The following KASH5 variants were observed in gnomAD, a reference collection of about 807,000 sequenced individuals.
The protein encoded by KASH5 is KASH domain containing 5, also known as protein KASH5.
In KASH5, 72 loss-of-function variants were observed where a neutral mutation model predicts 84.2. That is an observed-to-expected ratio of 0.85 (90% confidence interval 0.71 to 1.04). KASH5 has a LOEUF of 1.04. Among genes scored for constraint, KASH5 ranks in the 50% least tolerant of loss-of-function variants. The pLI is 0.00. For synonymous variants in KASH5, 260 were observed against 279.1 expected (o/e 0.93, Z 0.68); for missense variants, 650 against 701.0 (o/e 0.93, Z 0.82).
At chr19:49,391,296 A>G (rs962960498) in intron 2 of KASH5, among the ~76,000 whole-genome samples, 1 of 152,064 alleles carries the variant, frequency 6.6e-6, no homozygotes, top group African/African-American at 2.4e-5. Context: ...TCTGTATGTC[A>G]TGTTTTGTCT....
chr19:49,406,984 C>G, intron 10 of KASH5, 21 bp downstream of exon 10: 1 of 1,568,352 alleles, frequency 6.4e-7, no homozygotes, highest in Non-Finnish European at 8.7e-7. Flanking sequence ...TTCCTAGTGC[C>G]TGACAACTTT....
At position 49,417,437 on chromosome 19, in the gene KASH5, T is replaced by A; in HGVS notation, c.1616T>A (p.Leu539Gln). 1 of 1,556,078 alleles carries A rather than the reference T, an allele frequency of 6.4e-7. No homozygotes were observed. The highest frequency in any genetic ancestry group is 8.7e-7 in the Non-Finnish European group (1 of 1,149,866). The change falls in exon 20 of 20, where the codon CTG (leucine) becomes CAG (glutamine). Residue 539 changes from leucine to glutamine, a missense_variant. Transcript: ENST00000447857. This position sits in a 1 kb window ranked among gnomAD's most constrained non-coding sequence, Gnocchi z 5.2. Reference protein sequence around the residue: ...GLLLLLLLSVLLLGPSPPPTW... With the variant: ...GLLLLLLLSVQLLGPSPPPTW... Reference sequence around the variant, plus strand: ...CTGCTGCTGCTGCTGCTCTCTGTCCTGCTGCTTGGCCCGTCCCCACCTCCC... The same window carrying A: ...CTGCTGCTGCTGCTGCTCTCTGTCCAGCTGCTTGGCCCGTCCCCACCTCCC...
chr19:49,405,896 C>T (rs1974510024), intron 9 of KASH5, among the ~76,000 whole-genome samples: 1 of 144,864 alleles, frequency 6.9e-6, no homozygotes, highest in Admixed American at 7.2e-5. Flanking sequence ...GCAGAGGTTG[C>T]AGTGAACCAA....
chr19:49,394,096 C>G (rs576433146), intron 2 of KASH5, among the ~76,000 whole-genome samples: 17 of 152,144 alleles, frequency 1.1e-4, no homozygotes, highest in Non-Finnish European at 1.5e-4. Flanking sequence ...CTGGGCCCCC[C>G]CTTCACTCTC....
chr19:49,397,072 A>G (rs1974204856), intron 5 of KASH5, among the ~76,000 whole-genome samples: 1 of 151,952 alleles, frequency 6.6e-6, no homozygotes, highest in Non-Finnish European at 1.5e-5. Flanking sequence ...AAAAAAAAAA[A>G]AATGGTGGTC....
rs1307026712 is a variant in KASH5 at position 49,416,836 on chromosome 19, G to A, written c.1375-179G>A. On this transcript the variant is annotated intron_variant, in intron 17 of 19. Coordinates refer to ENST00000447857, the MANE Select transcript of KASH5 (RefSeq NM_144688.5). This position sits in a 1 kb window ranked among gnomAD's most constrained non-coding sequence, Gnocchi z 5.4. ...GCGGCACGGAGAGGTGTGGTGACAT[G>A]CCAAGGACCCTCAGCCAGAAGCTGG... Among the ~76,000 whole-genome samples, 1 of 152,146 alleles carries A rather than the reference G, an allele frequency of 6.6e-6. No individual in the cohort carries two copies. Among genetic ancestry groups the A allele is most frequent in the East Asian group, 1.9e-4 (1 of 5,184 alleles).
At position 49,399,700 on chromosome 19, in the gene KASH5, G is replaced by T; in HGVS notation, c.798+193G>T. ...GGTTTACAAGAGTGTGAGGCATGGGGTCAGCCTACATGGCTTCAGGCTGAG... is the reference window on the plus strand; with the variant it reads ...GGTTTACAAGAGTGTGAGGCATGGGTTCAGCCTACATGGCTTCAGGCTGAG... On this transcript the variant is annotated intron_variant, in intron 9 of 19. Transcript: ENST00000447857. This position sits in a 1 kb window ranked among gnomAD's most constrained non-coding sequence, Gnocchi z 4.4. 1 of 1,453,604 alleles carries T rather than the reference G, an allele frequency of 6.9e-7. No individual in the cohort carries two copies. The highest frequency in any genetic ancestry group is 9.1e-7 in the Non-Finnish European group (1 of 1,099,692). The allele number at this position is 1,453,604 out of a possible 1,614,324, so 90.0% of individuals were successfully genotyped here.
intron 2 of KASH5, among the ~76,000 whole-genome samples, chr19:49,392,424 ATCT>A (rs1483719541): frequency 6.6e-6 from 1 of 152,096 alleles, no homozygotes; most frequent in African/African-American, 2.4e-5. Context: ...GAGGAAGGAG[ATCT>A]TCCTGAGGAA....
intron 15 of KASH5, among the ~76,000 whole-genome samples, chr19:49,411,531 G>T (rs1974708657): frequency 6.6e-6 from 1 of 152,192 alleles, no homozygotes; most frequent in South Asian, 2.1e-4. Flanking sequence ...TGGTCACACA[G>T]CTTGTTGGGG....
At position 49,409,288 on chromosome 19, in the gene KASH5, G is replaced by T. The variant is rs188572864; in HGVS notation, c.1146+5G>T. The T allele has an allele frequency of 6.2e-6, 10 of 1,612,950 alleles. No individual in the cohort carries two copies. In the African/African-American group the frequency reaches 1.2e-4, roughly 19 times the overall value. ...GAGATCGAGGCCATTCGACAGGTGG[G>T]CCTAACACCCCTGGAATAAGCTGCA... On this transcript the variant is annotated splice_donor_5th_base_variant and intron_variant, in intron 14 of 19. Coordinates refer to ENST00000447857, the MANE Select transcript of KASH5 (RefSeq NM_144688.5).
Position 49,395,433 on chromosome 19 carries a change from G to A in KASH5, c.335+141G>A, listed in dbSNP as rs74887404. The A allele has an allele frequency of 1.1e-3, 990 of 880,914 alleles. 11 individuals carry two copies. The East Asian group carries it at 0.023, about 20-fold the overall frequency. The allele number at this position is 880,914 out of a possible 1,614,324, so 54.6% of individuals were successfully genotyped here. A position where few individuals can be genotyped will look rare whatever the true frequency, so the allele number is the denominator to read the frequency against. ...GCTGTGGAGAGAAAAATGAAGAGAC[G>A]GGATTCAGAGGGGGTAGATAGGGAG... is the stretch of plus-strand genomic sequence containing the variant. On this transcript the variant is annotated intron_variant, in intron 4 of 19. Transcript: ENST00000447857. The surrounding 1 kb of genome is among the most constrained non-coding windows in gnomAD (Gnocchi z 4.4).
At position 49,394,590 on chromosome 19, in the gene KASH5, G is replaced by T. The variant is rs200432854; in HGVS notation, c.148+10G>T. 6.2e-7 allele frequency: 1 copy of T among 1,605,074 alleles called. No homozygotes were observed. Among genetic ancestry groups the T allele is most frequent in the East Asian group, 2.2e-5 (1 of 44,826 alleles). Reference sequence around the variant, plus strand: ...GACCCTCAGAGGACAGGTGGTGGGGGCATGAGGGGTGCTGGGGACCAGTGC... The same window carrying T: ...GACCCTCAGAGGACAGGTGGTGGGGTCATGAGGGGTGCTGGGGACCAGTGC... On this transcript the variant is annotated intron_variant, in intron 3 of 19. Coordinates refer to ENST00000447857, the MANE Select transcript of KASH5 (RefSeq NM_144688.5).
Position 49,412,932 on chromosome 19 carries a change from AG to A in KASH5, c.1270-35del, listed in dbSNP as rs564561337. On this transcript the variant is annotated intron_variant, in intron 15 of 19. Coordinates refer to ENST00000447857, the MANE Select transcript of KASH5 (RefSeq NM_144688.5). This position sits in a 1 kb window ranked among gnomAD's most constrained non-coding sequence, Gnocchi z 4.6. ...GTTAGGGTTGGAGCTTTGAGTGAGA[AG>A]AATCAGAGAAGAACTAACCTTTTTG... 2.3e-3 allele frequency: 3,773 copies of A among 1,610,170 alleles called. 14 individuals are homozygous for A. Among genetic ancestry groups the A allele is most frequent in the Middle Eastern group, 0.01 (61 of 6,048 alleles).
chr19:49,403,657 G>T (rs142192620), intron 9 of KASH5, among the ~76,000 whole-genome samples: 1 of 152,326 alleles, frequency 6.6e-6, no homozygotes, highest in Admixed American at 6.5e-5. Flanking sequence ...CCATGGCTGG[G>T]GCTGGGACCC....
chr19:49,401,694 CTG>C (rs1256805187), intron 9 of KASH5, among the ~76,000 whole-genome samples: 1 of 152,212 alleles, frequency 6.6e-6, no homozygotes, highest in Non-Finnish European at 1.5e-5. Flanking sequence ...TCTTCTCTGT[CTG>C]TCCTGCATTC....
rs1218305917 is a variant in KASH5 at position 49,414,874 on chromosome 19, T to G, written c.1329-77T>G. 2 of 1,547,788 alleles carry G rather than the reference T, an allele frequency of 1.3e-6. No individual in the cohort carries two copies. Among genetic ancestry groups the G allele is most frequent in the African/African-American group, 2.7e-5 (2 of 73,382 alleles). ...GTGCTAAGACCCCCTGCTCCAAGGCTTCTCTCCCAGCCCATAGTAGGCAAA... is the reference window on the plus strand; with the variant it reads ...GTGCTAAGACCCCCTGCTCCAAGGCGTCTCTCCCAGCCCATAGTAGGCAAA... On this transcript the variant is annotated intron_variant, in intron 16 of 19. Transcript: ENST00000447857. This position sits in a 1 kb window ranked among gnomAD's most constrained non-coding sequence, Gnocchi z 4.5.
chr19:49,394,337 GT>G (rs938094824), intron 2 of KASH5, 138 bp from the exon 3 acceptor site: 35 of 629,154 alleles, frequency 5.6e-5, no homozygotes, highest in African/African-American at 4.5e-4. Context: ...GCTTCCTGCT[GT>G]TCCCCACCCG....
At chr19:49,410,588 G>A (rs59575281) in intron 15 of KASH5, among the ~76,000 whole-genome samples, 5,521 of 151,118 alleles carry the variant, frequency 0.037, 279 homozygotes, top group African/African-American at 0.12. Flanking sequence ...GGTTCAAGCA[G>A]TTCTCCCTGC....
chr19:49,408,879 G>A (rs1382469517), intron 12 of KASH5, 88 bp from the exon 13 acceptor site: 5 of 1,409,804 alleles, frequency 3.5e-6, no homozygotes, highest in South Asian at 2.5e-5. Flanking sequence ...CAGGAAAGGG[G>A]AAAGAACCCT....
Sources: gnomAD v4.1 joint callset for allele counts (sites outside exome capture counted in the v4.1 genomes callset) on GRCh38, gnomAD v4.1.1 for gene constraint, Gnocchi (gnomAD v3.1) non-coding constraint, MANE v1.5 for transcripts, NCBI Gene and HGNC (gene_info 2026-07-23, HGNC 2026-07-21) for gene names.